Variants in GRB2 observed in about 807,000 individuals in gnomAD.
GRB2 encodes the protein growth factor receptor-bound protein 2.
A neutral mutation model predicts 27.4 loss-of-function variants in GRB2; 2 were observed. The ratio of observed to expected loss-of-function variants is 0.07; its 90% CI spans 0.03 to 0.23. The LOEUF is 0.23. Ranked by LOEUF, GRB2 falls within the 10% of genes least tolerant of loss-of-function variation. The pLI is 1.00. For synonymous variants in GRB2, 94 were observed against 99.6 expected (o/e 0.94, Z 0.33); for missense variants, 102 against 282.4 (o/e 0.36, Z 4.58).
chr17:75,361,650 T>C (rs565395042), intron 2 of GRB2, among the ~76,000 whole-genome samples: 2 of 152,304 alleles, frequency 1.3e-5, no homozygotes, highest in African/African-American at 4.8e-5. Context: ...TTAAAAATTA[T>C]GGAGTGGGGA....
intron 2 of GRB2, among the ~76,000 whole-genome samples, chr17:75,333,136 C>T (rs1478147911): frequency 1.3e-5 from 2 of 151,782 alleles, no homozygotes; most frequent in African/African-American, 2.4e-5. Context: ...AGTGCAGTGG[C>T]GCGATCTTGG....
In GRB2 at chr17:75,393,699, C is replaced by T. The variant is rs941203035; in HGVS notation, c.-71G>A. On this transcript the variant is annotated 5_prime_UTR_variant, in exon 2 of 6. Coordinates refer to ENST00000316804, the MANE Select transcript of GRB2 (RefSeq NM_002086.5). ...AGTCTTCCCTGCTGAAGCAACCCAG[C>T]GCTCTGGGCTTAGCCTCGCCTCTCT... 3 of 1,236,876 alleles carry T rather than the reference C, an allele frequency of 2.4e-6. No homozygotes were observed. Among genetic ancestry groups the T allele is most frequent in the South Asian group, 1.2e-5 (1 of 83,022 alleles). 76.6% of individuals were successfully genotyped at this position (1,236,876 alleles called of 1,614,324 possible).
At chr17:75,363,282 C>G (rs554343721) in intron 2 of GRB2, among the ~76,000 whole-genome samples, 23 of 152,118 alleles carry the variant, frequency 1.5e-4, no homozygotes, top group Non-Finnish European at 3.1e-4. Context: ...AAATAAGGAA[C>G]TGCCAGGTCA....
chr17:75,402,184 G>A (rs868852207), intron 1 of GRB2, among the ~76,000 whole-genome samples: 11 of 152,112 alleles, frequency 7.2e-5, no homozygotes, highest in Non-Finnish European at 1.5e-4. Flanking sequence ...GTAATTTACT[G>A]ACTATGGTAC....
chr17:75,368,823 G>C (rs2078837660), intron 2 of GRB2, among the ~76,000 whole-genome samples: 1 of 152,112 alleles, frequency 6.6e-6, no homozygotes, highest in African/African-American at 2.4e-5. Flanking sequence ...TGGGATTATA[G>C]GTGTGAGCCA....
intron 3 of GRB2, among the ~76,000 whole-genome samples, chr17:75,331,266 C>G (rs1008247250): frequency 1.3e-5 from 2 of 152,168 alleles, no homozygotes; most frequent in African/African-American, 4.8e-5. Flanking sequence ...CACTGCCCAC[C>G]CTTTGGGCAG....
chr17:75,340,306 T>C (rs747255018), intron 2 of GRB2, among the ~76,000 whole-genome samples: 2 of 152,192 alleles, frequency 1.3e-5, no homozygotes, highest in Non-Finnish European at 2.9e-5. Context: ...AAAAACACCA[T>C]TTATAGTTGG....
chr17:75,331,080 T>A (rs61764606), intron 3 of GRB2, among the ~76,000 whole-genome samples: 296 of 152,324 alleles, frequency 1.9e-3, no homozygotes, highest in African/African-American at 6.9e-3. Flanking sequence ...GTACTGACCC[T>A]GACCCTATAC....
intron 2 of GRB2, among the ~76,000 whole-genome samples, chr17:75,339,415 G>C (rs527914440): frequency 1.3e-5 from 2 of 151,440 alleles, no homozygotes; most frequent in South Asian, 2.1e-4. Context: ...GGATGGTCTC[G>C]ATCACTTGAC....
chr17:75,320,141 A>T lies in GRB2; in HGVS notation c.*227T>A. On this transcript the variant is annotated 3_prime_UTR_variant, in exon 6 of 6. Coordinates refer to ENST00000316804, the MANE Select transcript of GRB2 (RefSeq NM_002086.5). This position sits in a 1 kb window ranked among gnomAD's most constrained non-coding sequence, Gnocchi z 4.3. ...GAGGGGAAAGAGGAGCAGCAGTGAA[A>T]ATTTGTAATAAAAACTCTTCTTAAT... 2.1e-6 allele frequency: 1 copy of T among 472,126 alleles called. No homozygotes were observed. The highest frequency in any genetic ancestry group is 3.8e-6 in the Non-Finnish European group (1 of 260,098). The allele number at this position is 472,126 out of a possible 1,614,324, so 29.2% of individuals were successfully genotyped here. A position where few individuals can be genotyped will look rare whatever the true frequency, so the allele number is the denominator to read the frequency against.
chr17:75,403,794 T>C (rs1369683630), intron 1 of GRB2, among the ~76,000 whole-genome samples: 1 of 151,496 alleles, frequency 6.6e-6, no homozygotes, highest in Non-Finnish European at 1.5e-5. Context: ...TAAATGCTTG[T>C]GTTTAGTAGA....
intron 2 of GRB2, among the ~76,000 whole-genome samples, chr17:75,360,321 C>T (rs925104638): frequency 6.6e-6 from 1 of 152,196 alleles, no homozygotes; most frequent in Middle Eastern, 3.2e-3. Context: ...TTCTGGACAA[C>T]AGGAACTAGT....
At chr17:75,404,928 C>T (rs1026471458) in intron 1 of GRB2, 6 of 151,646 alleles carry the variant, frequency 4.0e-5, no homozygotes, top group African/African-American at 1.4e-4. Context: ...CCTGCTACTG[C>T]TGAATTTTTC....
At chr17:75,392,705 A>C (rs191791085) in intron 2 of GRB2, among the ~76,000 whole-genome samples, 1 of 152,268 alleles carries the variant, frequency 6.6e-6, no homozygotes, top group Non-Finnish European at 1.5e-5. Context: ...TCCTCCTTTA[A>C]AGTTAACATA....
intron 1 of GRB2, among the ~76,000 whole-genome samples, chr17:75,403,250 C>A (rs541474546): frequency 1.3e-5 from 2 of 151,142 alleles, no homozygotes; most frequent in South Asian, 4.2e-4. Flanking sequence ...GTATTAATTT[C>A]TCTCCGGAGG....
At position 75,352,405 on chromosome 17, in the gene GRB2, C is replaced by T. The variant is rs972413324; in HGVS notation, c.79-19608G>A. 6.6e-5 allele frequency among the ~76,000 whole-genome samples: 10 copies of T among 152,306 alleles called. 1 individual carries two copies. Among genetic ancestry groups the T allele is most frequent in the East Asian group, 1.9e-4 (1 of 5,192 alleles). ...ACGGCTAAATGATAGGATGTATTAA[C>T]GCAAACAACAGGCTTGTCAGACCCG... On this transcript the variant is annotated intron_variant, in intron 2 of 5. Coordinates refer to ENST00000316804, the MANE Select transcript of GRB2 (RefSeq NM_002086.5).
intron 4 of GRB2, among the ~76,000 whole-genome samples, chr17:75,323,240 G>A (rs540839968): frequency 7.2e-5 from 11 of 151,968 alleles, no homozygotes; most frequent in African/African-American, 2.2e-4. Flanking sequence ...AAATCAATCC[G>A]GCAGGTGGCA....
chr17:75,334,780 TA>T (rs2078565548), intron 2 of GRB2, among the ~76,000 whole-genome samples: 1 of 152,086 alleles, frequency 6.6e-6, no homozygotes, highest in Admixed American at 6.6e-5. Flanking sequence ...TCTTTATATT[TA>T]AAAAGTGTAA....
chr17:75,337,864 C>CCTACTTTTACTACTACTACTACTA (rs796075893), intron 2 of GRB2, among the ~76,000 whole-genome samples: 3 of 116,038 alleles, frequency 2.6e-5, no homozygotes, highest in Non-Finnish European at 3.9e-5. Flanking sequence ...CTGCGCCCGG[C>CCTACTTTTACTACTACTACTACTA]CTACTATTAC....
Sources: allele counts gnomAD v4.1 joint callset (sites outside exome capture counted in the v4.1 genomes callset), GRCh38; gene constraint gnomAD v4.1.1; non-coding constraint Gnocchi (gnomAD v3.1); transcripts MANE v1.5; gene names NCBI Gene and HGNC (gene_info 2026-07-23, HGNC 2026-07-21).